Variants in MTUS2 observed in about 807,000 individuals in gnomAD.
MTUS2 encodes the protein microtubule associated scaffold protein 2.
In MTUS2, 40 loss-of-function variants were observed where a neutral mutation model predicts 114.1. That is an observed-to-expected ratio of 0.35 (90% CI 0.27 to 0.46). The LOEUF (loss-of-function observed/expected upper bound fraction) is 0.46, where lower values mean the gene tolerates loss of function less well. Among genes scored for constraint, MTUS2 ranks in the 20% least tolerant of loss-of-function variants. MTUS2 has a pLI of 1.00. For missense variants in MTUS2, 1,679 were observed against 1,705.4 expected, an observed-to-expected ratio of 0.98 and a Z score of 0.27; for synonymous variants, 688 against 672.0, an observed-to-expected ratio of 1.02 and a Z score of -0.37.
At chr13:28,948,514 A>C (rs931653901) in intron 2 of MTUS2, among the ~76,000 whole-genome samples, 1 of 152,122 alleles carries the variant, frequency 6.6e-6, no homozygotes, top group Non-Finnish European at 1.5e-5. Context: ...GCCTGTCTGA[A>C]GTTCTGTGCG....
chr13:29,432,129 A>G (rs1482112239), intron 8 of MTUS2, among the ~76,000 whole-genome samples: 1 of 151,436 alleles, frequency 6.6e-6, no homozygotes, highest in Non-Finnish European at 1.5e-5. Context: ...TTGGGATAAT[A>G]GGTGTGAGCC....
intron 5 of MTUS2, among the ~76,000 whole-genome samples, chr13:29,276,031 T>C (rs1393054251): frequency 1.3e-5 from 2 of 152,234 alleles, no homozygotes; most frequent in African/African-American, 2.4e-5. Context: ...CATTTAGGTC[T>C]AAGATCTATT....
chr13:29,257,982 C>T (rs968918124), intron 5 of MTUS2, among the ~76,000 whole-genome samples: 2 of 152,186 alleles, frequency 1.3e-5, no homozygotes, highest in African/African-American at 4.8e-5. Context: ...TGCCTGAAGC[C>T]ACCTCTACTC....
intron 2 of MTUS2, among the ~76,000 whole-genome samples, chr13:28,900,168 G>A (rs1385732451): frequency 1.3e-5 from 2 of 152,246 alleles, no homozygotes; most frequent in African/African-American, 4.8e-5. Flanking sequence ...AATTACAGGC[G>A]TGAGCCATTG....
intron 5 of MTUS2, among the ~76,000 whole-genome samples, chr13:29,222,885 G>A (rs1443183318): frequency 6.6e-6 from 1 of 152,214 alleles, no homozygotes; most frequent in East Asian, 1.9e-4. Flanking sequence ...CCAGCTAGGT[G>A]TGCACACACT....
chr13:29,378,497 C>A (rs1871933775), intron 8 of MTUS2, among the ~76,000 whole-genome samples: 1 of 152,102 alleles, frequency 6.6e-6, no homozygotes, highest in Non-Finnish European at 1.5e-5. Context: ...CCCTGCCGTG[C>A]TCGTGCCCCC....
intron 5 of MTUS2, among the ~76,000 whole-genome samples, chr13:29,244,494 T>C (rs1218792659): frequency 6.6e-6 from 1 of 151,952 alleles, no homozygotes; most frequent in African/African-American, 2.4e-5. Context: ...GCATGGAGAC[T>C]GAATGGGCCA....
chr13:29,248,730 T>G (rs976501966), intron 5 of MTUS2, among the ~76,000 whole-genome samples: 2 of 152,234 alleles, frequency 1.3e-5, no homozygotes, highest in Non-Finnish European at 2.9e-5. Context: ...ATGTGGTGTT[T>G]GGCTTTCTGT....
chr13:29,459,683 G>C (rs544405423), intron 9 of MTUS2, among the ~76,000 whole-genome samples: 25 of 152,278 alleles, frequency 1.6e-4, no homozygotes, highest in African/African-American at 5.8e-4. Flanking sequence ...CTTTCATAAT[G>C]CTTGAATTTT....
intron 4 of MTUS2, among the ~76,000 whole-genome samples, chr13:29,046,781 C>A (rs1887641439): frequency 6.6e-6 from 1 of 152,138 alleles, no homozygotes; most frequent in South Asian, 2.1e-4. Flanking sequence ...AGGCACGCCG[C>A]AGTACCAGGC....
At chr13:29,208,962 G>A (rs1566067259) in intron 5 of MTUS2, among the ~76,000 whole-genome samples, 1 of 152,046 alleles carries the variant, frequency 6.6e-6, no homozygotes, top group Non-Finnish European at 1.5e-5. Flanking sequence ...TATAGTTTAA[G>A]TCTATTGTTA....
chr13:29,112,461 TA>T (rs1003654515), intron 5 of MTUS2, among the ~76,000 whole-genome samples: 5 of 152,144 alleles, frequency 3.3e-5, no homozygotes, highest in Non-Finnish European at 7.4e-5. Context: ...GAAGTGAGTT[TA>T]ACAAAATGTA....
intron 2 of MTUS2, among the ~76,000 whole-genome samples, chr13:28,926,849 A>G (rs965167297): frequency 6.6e-6 from 1 of 152,228 alleles, no homozygotes; most frequent in African/African-American, 2.4e-5. Context: ...GACTTGTGTC[A>G]GTGAAGTTGT....
intron 3 of MTUS2, among the ~76,000 whole-genome samples, chr13:29,028,909 G>A (rs973994247): frequency 4.6e-5 from 7 of 152,172 alleles, no homozygotes; most frequent in Admixed American, 4.6e-4. Flanking sequence ...GGTTTCTAGA[G>A]ATAGGATGAT....
chr13:29,382,997 C>T (rs1432513550), intron 8 of MTUS2, among the ~76,000 whole-genome samples: 1 of 152,056 alleles, frequency 6.6e-6, no homozygotes, highest in Non-Finnish European at 1.5e-5. Flanking sequence ...AACACTAAGC[C>T]GTGTGGGGAC....
At chr13:29,342,226 G>C (rs1901437453) in intron 7 of MTUS2, among the ~76,000 whole-genome samples, 1 of 152,052 alleles carries the variant, frequency 6.6e-6, no homozygotes, top group Non-Finnish European at 1.5e-5. Flanking sequence ...CATTGAATTT[G>C]TAGATTGCTT....
At chr13:28,962,111 A>T (rs773805668) in intron 2 of MTUS2, among the ~76,000 whole-genome samples, 218 of 151,628 alleles carry the variant, frequency 1.4e-3, no homozygotes, top group Non-Finnish European at 2.8e-3. Flanking sequence ...GAAGATATTT[A>T]AAAATATCTG....
At chr13:29,264,476 C>T (rs1897594930) in intron 5 of MTUS2, among the ~76,000 whole-genome samples, 1 of 152,246 alleles carries the variant, frequency 6.6e-6, no homozygotes, top group African/African-American at 2.4e-5. Flanking sequence ...TGTGGATGCT[C>T]CAACCCCACA....
intron 8 of MTUS2, among the ~76,000 whole-genome samples, chr13:29,388,272 A>C (rs1872767249): frequency 6.6e-6 from 1 of 152,134 alleles, no homozygotes; most frequent in African/African-American, 2.4e-5. Context: ...CCAGTGGGAA[A>C]ATAAAGATGG....
Sources: gnomAD v4.1 joint callset for allele counts (sites outside exome capture counted in the v4.1 genomes callset) on GRCh38, gnomAD v4.1.1 for gene constraint, MANE v1.5 for transcripts, NCBI Gene and HGNC (gene_info 2026-07-23, HGNC 2026-07-21) for gene names.